The following PEX5L variants were observed in gnomAD, a reference collection of about 807,000 sequenced individuals.
The protein encoded by PEX5L is peroxisomal biogenesis factor 5 like.
Under a neutral mutation model 84.0 loss-of-function variants are expected in PEX5L, and 30 were observed. The observed-to-expected ratio is 0.36, with a 90% CI of 0.27 to 0.48. The LOEUF is 0.48. Ranked by LOEUF, PEX5L falls within the 20% of genes least tolerant of loss-of-function variation. The pLI, the probability that PEX5L is intolerant of heterozygous loss-of-function variation, is 0.99. For synonymous variants in PEX5L, 270 were observed against 283.1 expected (o/e 0.95, Z 0.46); for missense variants, 533 against 754.6 (o/e 0.71, Z 3.44).
At chr3:179,997,965 G>C (rs557046267) in intron 1 of PEX5L, among the ~76,000 whole-genome samples, 2 of 152,266 alleles carry the variant, frequency 1.3e-5, no homozygotes, top group African/African-American at 4.8e-5. Flanking sequence ...ATCACTTTTC[G>C]CTTCCAGAAG....
intron 1 of PEX5L, among the ~76,000 whole-genome samples, chr3:180,004,737 C>G (rs1176181837): frequency 6.6e-6 from 1 of 151,950 alleles, no homozygotes; most frequent in East Asian, 1.9e-4. Context: ...GGAAGCTGCA[C>G]TTCCAAAAGC....
chr3:179,813,426 T>C (rs1724663140), intron 10 of PEX5L, among the ~76,000 whole-genome samples: 1 of 152,228 alleles, frequency 6.6e-6, no homozygotes, highest in Non-Finnish European at 1.5e-5. Flanking sequence ...AAGATGACAT[T>C]ATTATTTTTA....
At chr3:179,897,434 G>A (rs561190704) in intron 3 of PEX5L, among the ~76,000 whole-genome samples, 58 of 152,196 alleles carry the variant, frequency 3.8e-4, no homozygotes, top group African/African-American at 1.2e-3. Flanking sequence ...AAAAGTCCCC[G>A]AGGACATATA....
At chr3:179,856,734 G>A (rs959841656) in intron 8 of PEX5L, among the ~76,000 whole-genome samples, 3 of 152,190 alleles carry the variant, frequency 2.0e-5, no homozygotes, top group Non-Finnish European at 4.4e-5. Flanking sequence ...CTTCTGGTGG[G>A]CACCATTTCC....
intron 2 of PEX5L, among the ~76,000 whole-genome samples, chr3:179,938,870 A>G (rs1031485174): frequency 1.3e-4 from 20 of 152,218 alleles, no homozygotes. Context: ...GTCTTAAGCC[A>G]TTAGACCCCA....
chr3:179,860,167 T>G (rs530403172), intron 7 of PEX5L, among the ~76,000 whole-genome samples: 6 of 152,234 alleles, frequency 3.9e-5, no homozygotes, highest in African/African-American at 1.4e-4. Context: ...AGGGGATCCA[T>G]GAGGATAAGA....
chr3:179,883,559 G>A (rs1210991338), intron 4 of PEX5L, among the ~76,000 whole-genome samples: 1 of 152,162 alleles, frequency 6.6e-6, no homozygotes, highest in Non-Finnish European at 1.5e-5. Flanking sequence ...TGAGGCAGGC[G>A]GATCACCTGA....
intron 4 of PEX5L, among the ~76,000 whole-genome samples, chr3:179,887,174 C>T (rs1022734856): frequency 6.6e-6 from 1 of 152,078 alleles, no homozygotes; most frequent in Non-Finnish European, 1.5e-5. Context: ...ATTGTTGTAA[C>T]GGGGAGCAAG....
intron 2 of PEX5L, chr3:179,922,045 C>G (rs2109418241): frequency 6.6e-6 from 1 of 152,236 alleles, no homozygotes; most frequent in South Asian, 2.1e-4. Context: ...CCCCCCACCC[C>G]CAACACATAA....
chr3:179,879,573 T>C (rs141129374), intron 5 of PEX5L, among the ~76,000 whole-genome samples: 14 of 152,326 alleles, frequency 9.2e-5, no homozygotes, highest in African/African-American at 3.4e-4. Flanking sequence ...GGCCTTGCAT[T>C]AGAGTTCGTT....
intron 8 of PEX5L, among the ~76,000 whole-genome samples, chr3:179,852,399 A>G (rs983354306): frequency 2.0e-5 from 3 of 152,312 alleles, no homozygotes; most frequent in Admixed American, 2.0e-4. Flanking sequence ...GTCACACACC[A>G]TGACTTCCAC....
chr3:179,916,086 T>C (rs1276576053), intron 2 of PEX5L, among the ~76,000 whole-genome samples: 9 of 152,210 alleles, frequency 5.9e-5, no homozygotes, highest in Non-Finnish European at 5.9e-5. Flanking sequence ...TAATCACTTA[T>C]TGAGCATCTA....
rs541719085 is a variant in PEX5L, at chr3:179,830,219, G to A, written c.823-10243C>T. On this transcript the variant is annotated intron_variant, in intron 8 of 14. Transcript: ENST00000467460. ...AACCTGTTTCATTTTGGCAGAGAAA[G>A]TCCAATTTAAAAAATCACTTATATT... Among the ~76,000 whole-genome samples, 21 of 152,006 alleles carry A rather than the reference G, an allele frequency of 1.4e-4. 1 individual carries two copies. The South Asian group carries it at 3.9e-3, about 29-fold the overall frequency.
chr3:180,022,848 T>C (rs563274906), intron 1 of PEX5L, among the ~76,000 whole-genome samples: 1 of 152,322 alleles, frequency 6.6e-6, no homozygotes, highest in South Asian at 2.1e-4. Context: ...CACTCCATCC[T>C]ACACAAAGGG....
intron 2 of PEX5L, among the ~76,000 whole-genome samples, chr3:179,915,754 G>C (rs545249537): frequency 2.0e-5 from 3 of 152,292 alleles, no homozygotes; most frequent in East Asian, 3.9e-4. Flanking sequence ...TCCAGGAATA[G>C]AGCACTTCTT....
intron 8 of PEX5L, among the ~76,000 whole-genome samples, chr3:179,836,134 T>G (rs1190301963): frequency 6.6e-6 from 1 of 152,224 alleles, no homozygotes; most frequent in Non-Finnish European, 1.5e-5. Flanking sequence ...TAAAAACCGT[T>G]GCTCGTCAAC....
At chr3:179,961,134 T>G (rs1184150955) in intron 2 of PEX5L, among the ~76,000 whole-genome samples, 1 of 151,948 alleles carries the variant, frequency 6.6e-6, no homozygotes, top group South Asian at 2.1e-4. Flanking sequence ...AAGAATGAGA[T>G]CATTTGGCCA....
At chr3:179,912,284 C>G (rs188558925) in intron 2 of PEX5L, among the ~76,000 whole-genome samples, 183 of 152,192 alleles carry the variant, frequency 1.2e-3, no homozygotes, top group Admixed American at 3.1e-3. Context: ...TTCTTTCTAA[C>G]TCTCAGATAT....
chr3:179,978,890 C>T (rs967517200), intron 1 of PEX5L, among the ~76,000 whole-genome samples: 2 of 152,162 alleles, frequency 1.3e-5, no homozygotes, highest in African/African-American at 4.8e-5. Context: ...TGGGATTAAT[C>T]CATGGAATGA....
Sources: allele counts gnomAD v4.1 joint callset (sites outside exome capture counted in the v4.1 genomes callset), GRCh38; gene constraint gnomAD v4.1.1; transcripts MANE v1.5; gene names NCBI Gene and HGNC (gene_info 2026-07-23, HGNC 2026-07-21).